The following GPR137 variants were observed in gnomAD, a reference collection of about 807,000 sequenced individuals.
The protein encoded by GPR137 is G protein-coupled receptor 137.
In GPR137, 20 loss-of-function variants were observed where a neutral mutation model predicts 38.9. The observed-to-expected ratio is 0.51, with a 90% CI of 0.36 to 0.75. GPR137 has a LOEUF of 0.75. Ranked by LOEUF, GPR137 falls within the 30% of genes least tolerant of loss-of-function variation. The pLI is 0.00. For missense variants in GPR137, 456 were observed against 526.4 expected (o/e 0.87, Z 1.31); for synonymous variants, 226 against 235.8 (o/e 0.96, Z 0.38).
At chr11:64,271,770 C>T (rs2032638067), upstream of GPR137, 3 of 1,402,198 alleles carry the variant, frequency 2.1e-6, no homozygotes, top group Non-Finnish European at 2.8e-6. Flanking sequence ...GGGGTAGGAG[C>T]TGTGGCGACT....
Position 64,286,470 on chromosome 11 carries a change from T to C in GPR137, c.-55T>C, listed in dbSNP as rs762633978. 5.8e-6 allele frequency: 9 copies of C among 1,559,030 alleles called. No homozygotes were observed. In the African/African-American group the frequency reaches 9.5e-5, roughly 16 times the overall value. ...CACCCCTCCGTATTTATTTCCCTGG[T>C]CCCGCCGACAGTCCCTCCTTGTCTG... On this transcript the variant is annotated 5_prime_UTR_variant, in exon 1 of 7. Coordinates refer to ENST00000438980, the MANE Select transcript of GPR137 (RefSeq NM_001170880.2).
upstream of GPR137, among the ~76,000 whole-genome samples, chr11:64,282,703 C>T (rs1428569180): frequency 1.3e-5 from 2 of 151,578 alleles, no homozygotes; most frequent in East Asian, 1.9e-4. Flanking sequence ...CACGGTGAAA[C>T]CCCATCTCTA....
Position 64,288,046 on chromosome 11 carries a change from C to T in GPR137, c.634-19C>T, listed in dbSNP as rs753898310. On this transcript the variant is annotated intron_variant, in intron 3 of 6. Coordinates refer to ENST00000438980, the MANE Select transcript of GPR137 (RefSeq NM_001170880.2). The surrounding 1 kb of genome is among the most constrained non-coding windows in gnomAD (Gnocchi z 5.5). ...GGAGCCTTCTCTCCCTGAGGGTCCT[C>T]TGTTGTTACCTGTGCCAGGGGACCA... is the stretch of plus-strand genomic sequence containing the variant. 37 of 1,608,176 alleles carry T rather than the reference C, an allele frequency of 2.3e-5. No individual in the cohort carries two copies. The South Asian group carries it at 3.6e-4, about 16-fold the overall frequency.
At chr11:64,287,140 T>G in intron 2 of GPR137, 126 bp downstream of exon 2, 1 of 1,483,598 alleles carries the variant, frequency 6.7e-7, no homozygotes, top group Admixed American at 2.3e-5. Flanking sequence ...TGGAAGATCT[T>G]GGAAAAGTTA....
At chr11:64,284,342 C>T, upstream of GPR137, 1 of 1,612,928 alleles carries the variant, frequency 6.2e-7, no homozygotes, top group South Asian at 1.1e-5. Context: ...CCTGCTCACT[C>T]GGCTCAAACT....
chr11:64,272,257 C>T (rs916269247), upstream of GPR137, among the ~76,000 whole-genome samples: 1 of 151,224 alleles, frequency 6.6e-6, no homozygotes, highest in East Asian at 1.9e-4. Flanking sequence ...AGGGAGAGGT[C>T]GCAGTGAGCC....
rs141281150 is a variant in GPR137, at chr11:64,289,248, G to T, written c.*52G>T. 7.0e-5 allele frequency: 113 copies of T among 1,612,872 alleles called. No individual in the cohort carries two copies. Among genetic ancestry groups the T allele is most frequent in the Non-Finnish European group, 9.3e-5 (110 of 1,179,492 alleles). The stretch of plus-strand genomic sequence containing the variant: ...CAGGCCCCAGTCCCCCTCACCCTAG[G>T]CCCCTGTGCCAAGTTTGTCTGCCGC... On this transcript the variant is annotated 3_prime_UTR_variant, in exon 7 of 7. Coordinates refer to ENST00000438980, the MANE Select transcript of GPR137 (RefSeq NM_001170880.2).
chr11:64,284,743 A>T (rs1591187526), upstream of GPR137: 2 of 1,533,780 alleles, frequency 1.3e-6, no homozygotes, highest in Middle Eastern at 1.7e-4. Context: ...TGGCCCAATC[A>T]CCTCTCGGAA....
chr11:64,274,389 GAA>G (rs58134629), upstream of GPR137, among the ~76,000 whole-genome samples: 2 of 105,508 alleles, frequency 1.9e-5, no homozygotes, highest in Admixed American at 1.1e-4. Context: ...TCTACCTCGA[GAA>G]AAAAAAAAAA....
chr11:64,273,744 C>T (rs1226708112), upstream of GPR137, among the ~76,000 whole-genome samples: 8 of 147,582 alleles, frequency 5.4e-5, no homozygotes, highest in East Asian at 8.3e-4. Context: ...TAGCCAGGCG[C>T]GGTGGCAGGC....
At chr11:64,282,288 T>C (rs1265950509), upstream of GPR137, among the ~76,000 whole-genome samples, 1 of 152,006 alleles carries the variant, frequency 6.6e-6, no homozygotes, top group African/African-American at 2.4e-5. Flanking sequence ...AATGGCCAAG[T>C]GCAAGCTCAG....
chr11:64,284,656 A>C, upstream of GPR137: 3 of 1,533,506 alleles, frequency 2.0e-6, no homozygotes, highest in South Asian at 3.6e-5. Context: ...GAGGCCCCTG[A>C]CCCGGGCCTG....
At position 64,287,724 on chromosome 11, in the gene GPR137, C is replaced by T. The variant is rs765507420; in HGVS notation, c.411C>T (p.Leu137=). Residue 137 remains leucine (L), a synonymous_variant, in exon 3 of 7, where the codon CTC becomes CTT. Coordinates refer to ENST00000438980, the MANE Select transcript of GPR137 (RefSeq NM_001170880.2). ...KRRPEMSRGL[L]AVRGAFVGAS... is the part of the protein sequence containing the mutation. The stretch of plus-strand genomic sequence containing the variant: ...GCTGACTGTGCTGTGGCTGCAGGCT[C>T]GCTGTCCGAGGGGCCTTTGTGGGGG... 8.1e-6 allele frequency: 13 copies of T among 1,603,784 alleles called. No individual in the cohort carries two copies. The highest frequency in any genetic ancestry group is 1.7e-5 in the Admixed American group (1 of 59,980).
upstream of GPR137, among the ~76,000 whole-genome samples, chr11:64,270,986 A>T: frequency 1.3e-5 from 1 of 75,996 alleles, no homozygotes. Context: ...ACACACACAC[A>T]CACACACACA....
chr11:64,277,267 C>T (rs1438067017), intron 2 of GPR137, among the ~76,000 whole-genome samples: 1 of 152,178 alleles, frequency 6.6e-6, no homozygotes, highest in African/African-American at 2.4e-5. Context: ...CCAGTGCTGC[C>T]ACCCCACCCT....
upstream of GPR137, chr11:64,271,757 C>T (rs2032636096): frequency 8.3e-6 from 12 of 1,445,624 alleles, no homozygotes; most frequent in Non-Finnish European, 1.1e-5. Context: ...CCTCCGTCCC[C>T]GCGGGGTAGG....
At chr11:64,272,146 C>G (rs1488861885), upstream of GPR137, among the ~76,000 whole-genome samples, 1 of 152,138 alleles carries the variant, frequency 6.6e-6, no homozygotes, top group African/African-American at 2.4e-5. Flanking sequence ...TGGTGAAACC[C>G]TGTCTCTACT....
intron 3 of GPR137, 21 bp downstream of exon 3, chr11:64,287,967 C>T (rs780334105): frequency 1.2e-6 from 2 of 1,601,304 alleles, no homozygotes; most frequent in South Asian, 1.1e-5. Flanking sequence ...AGCACTGATG[C>T]CCAGGTGTCT....
At chr11:64,271,582 A>G, upstream of GPR137, 2 of 1,394,844 alleles carry the variant, frequency 1.4e-6, no homozygotes, top group Non-Finnish European at 1.9e-6. Context: ...CTGGTACTTC[A>G]GGTCCTGGCA....
Sources: allele counts gnomAD v4.1 joint callset (sites outside exome capture counted in the v4.1 genomes callset), GRCh38; gene constraint gnomAD v4.1.1; non-coding constraint Gnocchi (gnomAD v3.1); transcripts MANE v1.5; gene names NCBI Gene and HGNC (gene_info 2026-07-23, HGNC 2026-07-21).